Variants in ARL6IP1 observed in about 807,000 individuals in gnomAD.
ARL6IP1 encodes the protein ARL6 interacting reticulophagy regulator 1, also known as ADP-ribosylation factor-like protein 6-interacting protein 1.
In ARL6IP1, 16 loss-of-function variants were observed where a neutral mutation model predicts 30.1. That is an observed-to-expected ratio of 0.53 (90% CI 0.36 to 0.81). The LOEUF (loss-of-function observed/expected upper bound fraction) is 0.81. Ranked by LOEUF, ARL6IP1 falls within the 30% of genes least tolerant of loss-of-function variation. The pLI, the probability that ARL6IP1 is intolerant of heterozygous loss-of-function variation, is 0.01. For synonymous variants in ARL6IP1, 72 were observed against 84.8 expected, an observed-to-expected ratio of 0.85 and a Z score of 0.83; for missense variants, 173 against 242.7, an observed-to-expected ratio of 0.71 and a Z score of 1.91.
At chr16:18,795,397 A>C in intron 4 of ARL6IP1, 67 bp downstream of exon 4, 1 of 1,122,260 alleles carries the variant, frequency 8.9e-7, no homozygotes, top group South Asian at 1.4e-5. Flanking sequence ...ATAGCTATTA[A>C]GACAAAAAGG....
intron 3 of ARL6IP1, among the ~76,000 whole-genome samples, chr16:18,795,888 T>C (rs1487471992): frequency 6.6e-6 from 1 of 152,194 alleles, no homozygotes; most frequent in African/African-American, 2.4e-5. Flanking sequence ...ATGACTTCTA[T>C]GGGCCATAAA....
chr16:18,795,022 T>TC (rs2030189102), intron 4 of ARL6IP1, among the ~76,000 whole-genome samples: 1 of 150,656 alleles, frequency 6.6e-6, no homozygotes, highest in Non-Finnish European at 1.5e-5. Context: ...TTTCCTTTTT[T>TC]TTTTTTTTTT....
At position 18,793,320 on chromosome 16, in the gene ARL6IP1, T is replaced by G. The variant is rs781512352; in HGVS notation, c.544A>C (p.Lys182Gln). 2.5e-6 allele frequency: 4 copies of G among 1,613,366 alleles called. No individual in the cohort carries two copies. The highest frequency in any genetic ancestry group is 3.5e-4 in the Middle Eastern group (2 of 5,754). ...TCCCTCTTGGCCATTCCAATGTACTTCAAAATGATTCCATGTTGGTTTAGT... is the reference window on the plus strand; with the variant it reads ...TCCCTCTTGGCCATTCCAATGTACTGCAAAATGATTCCATGTTGGTTTAGT... ...PGLNQHGIILKYIGMAKREIN... is the reference protein window; with the variant it reads ...PGLNQHGIILQYIGMAKREIN... The change falls in exon 6 of 6, where the codon AAG becomes CAG. Residue 182 changes from lysine to glutamine, a missense_variant. Lys to Gln is a moderately conservative substitution (Grantham distance 53). Transcript: ENST00000304414.
rs752217149 is a variant in ARL6IP1 at position 18,798,802 on chromosome 16, C to A, written c.69G>T (p.Leu23=). 6.2e-7 allele frequency: 1 copy of A among 1,614,058 alleles called. No homozygotes were observed. The highest frequency in any genetic ancestry group is 2.2e-5 in the East Asian group (1 of 44,888). Residue 23 remains leucine, a synonymous_variant, in exon 2 of 6, where the codon CTG becomes CTT. Transcript: ENST00000304414. Reference sequence around the variant, plus strand: ...TCAGCATCACTTCTCCCCATCCTTGCAGCTGTTCTTCCAGACTTGCAGTCT... The same window carrying A: ...TCAGCATCACTTCTCCCCATCCTTGAAGCTGTTCTTCCAGACTTGCAGTCT... ...AAETASLEEQ[L]QGWGEVMLMA... is the part of the protein sequence containing the mutation.
At chr16:18,794,959 G>A (rs1303676308) in intron 4 of ARL6IP1, among the ~76,000 whole-genome samples, 4 of 151,526 alleles carry the variant, frequency 2.6e-5, no homozygotes, top group Admixed American at 2.6e-4. Context: ...ATAACTTCAC[G>A]GAACAGCCTC....
In ARL6IP1 at chr16:18,793,309, T is replaced by C. The variant is rs1320854180; in HGVS notation, c.555A>G (p.Gly185=). 1.2e-6 allele frequency: 2 copies of C among 1,613,314 alleles called. No individual in the cohort carries two copies. The highest frequency in any genetic ancestry group is 2.7e-5 in the African/African-American group (2 of 74,868). The stretch of plus-strand genomic sequence containing the variant: ...GTTTGTTTATCTCCCTCTTGGCCAT[T>C]CCAATGTACTTCAAAATGATTCCAT... ...NQHGIILKYI[G]MAKREINKLL... The change falls in exon 6 of 6, where the codon GGA becomes GGG. Residue 185 remains glycine, a synonymous_variant. Coordinates refer to ENST00000304414, the MANE Select transcript of ARL6IP1 (RefSeq NM_015161.3).
Position 18,792,176 on chromosome 16 carries a change from G to C in ARL6IP1, c.*1076C>G, listed in dbSNP as rs1219929119. 1.3e-5 allele frequency: 2 copies of C among 152,142 alleles called. No homozygotes were observed. Among genetic ancestry groups the C allele is most frequent in the Admixed American group, 6.5e-5 (1 of 15,268 alleles). 9.4% of individuals were successfully genotyped at this position (152,142 alleles called of 1,614,324 possible). A position where few individuals can be genotyped will look rare whatever the true frequency, so the allele number is the denominator to read the frequency against. Reference sequence around the variant, plus strand: ...CAGAGGCCAACTATCATCACCTCAAGTCTGCTCTCACCAACAGCCCTTGTA... The same window carrying C: ...CAGAGGCCAACTATCATCACCTCAACTCTGCTCTCACCAACAGCCCTTGTA... On this transcript the variant is annotated 3_prime_UTR_variant, in exon 6 of 6. Coordinates refer to ENST00000304414, the MANE Select transcript of ARL6IP1 (RefSeq NM_015161.3).
chr16:18,796,074 C>G (rs2030221912), intron 3 of ARL6IP1, among the ~76,000 whole-genome samples: 1 of 152,144 alleles, frequency 6.6e-6, no homozygotes, highest in Non-Finnish European at 1.5e-5. Flanking sequence ...CATCTGATGA[C>G]AAGGCAGCAA....
rs111296543 is a variant in ARL6IP1 at position 18,801,070 on chromosome 16, G to A, written c.36+361C>T. On this transcript the variant is annotated intron_variant, in intron 1 of 5. Coordinates refer to ENST00000304414, the MANE Select transcript of ARL6IP1 (RefSeq NM_015161.3). ...CATCCAGGTTAAGATCAAAGACGGGGAAAGCCGAATACGGCTGGGGCCTGA... is the reference window on the plus strand; with the variant it reads ...CATCCAGGTTAAGATCAAAGACGGGAAAAGCCGAATACGGCTGGGGCCTGA... 1,484 of 722,756 alleles carry A rather than the reference G, an allele frequency of 2.1e-3. 15 individuals are homozygous for A. In the African/African-American group the frequency reaches 0.026, roughly 13 times the overall value. 44.8% of individuals were successfully genotyped at this position (722,756 alleles called of 1,614,324 possible).
chr16:18,798,392 A>G, intron 2 of ARL6IP1: 2 of 323,298 alleles, frequency 6.2e-6, no homozygotes, highest in South Asian at 1.2e-4. Flanking sequence ...ATATATACCT[A>G]TGTAACAAAC....
At chr16:18,797,870 C>T in intron 3 of ARL6IP1, 55 bp downstream of exon 3, 1 of 1,583,652 alleles carries the variant, frequency 6.3e-7, no homozygotes, top group Non-Finnish European at 8.6e-7. Context: ...TAATCACAGC[C>T]ACCAAGTTCA....
intron 1 of ARL6IP1, among the ~76,000 whole-genome samples, chr16:18,799,243 C>G (rs1045823747): frequency 2.6e-5 from 4 of 152,274 alleles, no homozygotes; most frequent in African/African-American, 7.2e-5. Flanking sequence ...AACTCTGGAC[C>G]TCAAGTGATC....
intron 1 of ARL6IP1, 48 bp downstream of exon 1, chr16:18,801,383 G>C: frequency 6.2e-7 from 1 of 1,607,592 alleles, no homozygotes; most frequent in Non-Finnish European, 8.5e-7. Context: ...GCCCACGGAC[G>C]TCTGGAGGCC....
chr16:18,801,390 G>T, intron 1 of ARL6IP1, 41 bp downstream of exon 1: 6 of 1,609,686 alleles, frequency 3.7e-6, no homozygotes, highest in Non-Finnish European at 5.1e-6. Context: ...GACGTCTGGA[G>T]GCCTCGCTCG....
chr16:18,798,508 C>CT (rs2030311575), intron 2 of ARL6IP1, 193 bp downstream of exon 2: 2 of 573,390 alleles, frequency 3.5e-6, no homozygotes, highest in African/African-American at 3.8e-5. Context: ...TACTCAAGTG[C>CT]TTTAGGTTAC....
chr16:18,799,112 T>C (rs2030330175), intron 1 of ARL6IP1, among the ~76,000 whole-genome samples: 1 of 151,256 alleles, frequency 6.6e-6, no homozygotes, highest in Admixed American at 6.6e-5. Flanking sequence ...CTCCGCCTCC[T>C]GGGTTCAAGC....
Position 18,801,511 on chromosome 16 carries a change from C to A in ARL6IP1, c.-45G>T, listed in dbSNP as rs755093710. ...CTACAAGCGCAGGCCACCTCCCCAA[C>A]GAGTCCTCCAACCGAAACCCGCACA... On this transcript the variant is annotated 5_prime_UTR_variant, in exon 1 of 6. Coordinates refer to ENST00000304414, the MANE Select transcript of ARL6IP1 (RefSeq NM_015161.3). 4.4e-6 allele frequency: 7 copies of A among 1,603,670 alleles called. No homozygotes were observed. Among genetic ancestry groups the A allele is most frequent in the South Asian group, 2.2e-5 (2 of 89,232 alleles).
In ARL6IP1 at chr16:18,793,383, A is replaced by G; in HGVS notation, c.494-13T>C. Reference sequence around the variant, plus strand: ...AGTAAGGAAGTCACTTAAAATAAAAAAAAACCCAACATTAAGGAGGCAGCA... The same window carrying G: ...AGTAAGGAAGTCACTTAAAATAAAAGAAAACCCAACATTAAGGAGGCAGCA... On this transcript the variant is annotated splice_polypyrimidine_tract_variant and intron_variant, in intron 5 of 5. Transcript: ENST00000304414. The G allele has an allele frequency of 1.3e-6, 2 of 1,515,784 alleles. No homozygotes were observed. Among genetic ancestry groups the G allele is most frequent in the Non-Finnish European group, 1.8e-6 (2 of 1,112,370 alleles). 93.9% of individuals were successfully genotyped at this position (1,515,784 alleles called of 1,614,324 possible).
In ARL6IP1 at chr16:18,793,094, G is replaced by A. The variant is rs2030111249; in HGVS notation, c.*158C>T. The A allele has an allele frequency of 1.1e-5, 6 of 558,456 alleles. No individual in the cohort carries two copies. Among genetic ancestry groups the A allele is most frequent in the East Asian group, 3.0e-5 (1 of 33,172 alleles). The allele number at this position is 558,456 out of a possible 1,614,324, so 34.6% of individuals were successfully genotyped here. A position where few individuals can be genotyped will look rare whatever the true frequency, so the allele number is the denominator to read the frequency against. ...TACGCGACATGAAGACACTATGCAC[G>A]AAGCCTTACTTGGCGAGTCTGAATT... is the stretch of plus-strand genomic sequence containing the variant. On this transcript the variant is annotated 3_prime_UTR_variant, in exon 6 of 6. Transcript: ENST00000304414.
Sources: gnomAD v4.1 joint callset for allele counts (sites outside exome capture counted in the v4.1 genomes callset) on GRCh38, gnomAD v4.1.1 for gene constraint, MANE v1.5 for transcripts, NCBI Gene and HGNC (gene_info 2026-07-23, HGNC 2026-07-21) for gene names.